Variants in KIAA1958 observed in about 807,000 individuals in gnomAD.
KIAA1958 encodes uncharacterized protein KIAA1958.
KIAA1958 carries 14 observed loss-of-function variants against 47.2 expected under a neutral mutation model. The ratio of observed to expected loss-of-function variants is 0.30; its 90% CI spans 0.20 to 0.46. The LOEUF is 0.46. Among genes scored for constraint, KIAA1958 ranks in the 20% least tolerant of loss-of-function variants. The pLI is 1.00. For synonymous variants in KIAA1958, 354 were observed against 353.3 expected (o/e 1.00, Z -0.02); for missense variants, 803 against 909.2 (o/e 0.88, Z 1.50).
At chr9:112,554,632 T>A (rs754047032) in intron 1 of KIAA1958, among the ~76,000 whole-genome samples, 2 of 152,198 alleles carry the variant, frequency 1.3e-5, no homozygotes, top group Non-Finnish European at 2.9e-5. Context: ...TTATATTGGC[T>A]ACAAACACTA....
intron 2 of KIAA1958, among the ~76,000 whole-genome samples, chr9:112,644,091 T>C (rs1836937750): frequency 6.6e-6 from 1 of 151,820 alleles, no homozygotes; most frequent in Non-Finnish European, 1.5e-5. Context: ...GGCAGGAGAA[T>C]CGCGTGAACC....
At position 112,660,132 on chromosome 9, in the gene KIAA1958, T is replaced by G; in HGVS notation, c.*63T>G. On this transcript the variant is annotated 3_prime_UTR_variant, in exon 4 of 4. Coordinates refer to ENST00000337530, the MANE Select transcript of KIAA1958 (RefSeq NM_133465.4). The stretch of plus-strand genomic sequence containing the variant: ...TCGGGCCAGCCAGGGTTGGAGCAGC[T>G]GGAGCTCCTTGGAGGCAGGGGCTGA... 1.4e-6 allele frequency: 2 copies of G among 1,429,286 alleles called. No individual in the cohort carries two copies. Among genetic ancestry groups the G allele is most frequent in the Non-Finnish European group, 1.9e-6 (2 of 1,037,088 alleles). The allele number at this position is 1,429,286 out of a possible 1,614,324, so 88.5% of individuals were successfully genotyped here. A position where few individuals can be genotyped will look rare whatever the true frequency, so the allele number is the denominator to read the frequency against.
chr9:112,558,253 A>G (rs1835276417), intron 1 of KIAA1958, among the ~76,000 whole-genome samples: 1 of 152,182 alleles, frequency 6.6e-6, no homozygotes, highest in Non-Finnish European at 1.5e-5. Flanking sequence ...TTAGAAAACA[A>G]TTTTGAAAAA....
In KIAA1958 at chr9:112,576,848, G is replaced by A. The variant is rs566659543; in HGVS notation, c.1171+1597G>A. On this transcript the variant is annotated intron_variant, in intron 2 of 3. Coordinates refer to ENST00000337530, the MANE Select transcript of KIAA1958 (RefSeq NM_133465.4). ...GTGGGTGTGTATGTTTATCTTGCTT[G>A]GGTAACTACCTAGGAGTGGAATTGC... Among the ~76,000 whole-genome samples, 10 of 152,160 alleles carry A rather than the reference G, an allele frequency of 6.6e-5. No individual in the cohort carries two copies. In the South Asian group the frequency reaches 2.1e-3, roughly 32 times the overall value.
At chr9:112,550,591 C>G (rs1425884200) in intron 1 of KIAA1958, among the ~76,000 whole-genome samples, 3 of 152,142 alleles carry the variant, frequency 2.0e-5, no homozygotes, top group Non-Finnish European at 4.4e-5. Context: ...AGATTAAAAT[C>G]AGTGCAGGGA....
chr9:112,498,980 G>A (rs1834090758), intron 1 of KIAA1958, among the ~76,000 whole-genome samples: 1 of 152,142 alleles, frequency 6.6e-6, no homozygotes, highest in African/African-American at 2.4e-5. Flanking sequence ...ACATATGAGT[G>A]AGAACATGTG....
chr9:112,490,339 G>A (rs78398861), intron 1 of KIAA1958, among the ~76,000 whole-genome samples: 8,409 of 152,224 alleles, frequency 0.055, 309 homozygotes, highest in Non-Finnish European at 0.088. Flanking sequence ...GCCTGAGGAA[G>A]CCCCACAGGT....
chr9:112,508,797 G>GT (rs1203353330), intron 1 of KIAA1958, among the ~76,000 whole-genome samples: 1 of 148,324 alleles, frequency 6.7e-6, no homozygotes, highest in African/African-American at 2.4e-5. Context: ...AGCTGATTGT[G>GT]TAATTTTTTT....
At chr9:112,605,877 T>G (rs1347785313) in intron 2 of KIAA1958, among the ~76,000 whole-genome samples, 1 of 152,266 alleles carries the variant, frequency 6.6e-6, no homozygotes, top group Non-Finnish European at 1.5e-5. Context: ...AATGTGTCAC[T>G]TATCCTCTCT....
At chr9:112,518,605 G>T (rs1166512438) in intron 1 of KIAA1958, among the ~76,000 whole-genome samples, 1 of 152,152 alleles carries the variant, frequency 6.6e-6, no homozygotes, top group Non-Finnish European at 1.5e-5. Context: ...ATGCTCTAAA[G>T]GAAACATTTT....
chr9:112,657,382 A>T (rs1460524635), intron 3 of KIAA1958, among the ~76,000 whole-genome samples: 5 of 152,118 alleles, frequency 3.3e-5, no homozygotes, highest in Admixed American at 2.0e-4. Flanking sequence ...ATGAGCCACC[A>T]TGCCCAACCC....
chr9:112,487,156 G>A (rs1308728223), intron 1 of KIAA1958, 38 bp downstream of exon 1: 1 of 192,182 alleles, frequency 5.2e-6, no homozygotes, highest in Non-Finnish European at 1.1e-5. Flanking sequence ...GGACGAGTGC[G>A]CCGACGCCGC....
intron 1 of KIAA1958, among the ~76,000 whole-genome samples, chr9:112,568,443 A>C (rs1294881197): frequency 6.6e-6 from 1 of 152,372 alleles, no homozygotes; most frequent in East Asian, 1.9e-4. Flanking sequence ...GCTTACACAC[A>C]GTCAACATTG....
At chr9:112,493,020 G>A (rs1833997180) in intron 1 of KIAA1958, among the ~76,000 whole-genome samples, 1 of 149,932 alleles carries the variant, frequency 6.7e-6, no homozygotes, top group Non-Finnish European at 1.5e-5. Flanking sequence ...CCAAAGTGCT[G>A]GGATTACAGG....
intron 2 of KIAA1958, among the ~76,000 whole-genome samples, chr9:112,635,969 G>A (rs940637248): frequency 6.6e-6 from 1 of 151,376 alleles, no homozygotes; most frequent in Non-Finnish European, 1.5e-5. Flanking sequence ...TGTAGCCTAT[G>A]CACTAAATCG....
chr9:112,604,240 C>CT (rs1368434847), intron 2 of KIAA1958, among the ~76,000 whole-genome samples: 1 of 152,170 alleles, frequency 6.6e-6, no homozygotes, highest in Non-Finnish European at 1.5e-5. Context: ...GGCATGGAGA[C>CT]TATGTAAATA....
At chr9:112,566,307 T>A (rs1835426391) in intron 1 of KIAA1958, among the ~76,000 whole-genome samples, 1 of 152,204 alleles carries the variant, frequency 6.6e-6, no homozygotes, top group Non-Finnish European at 1.5e-5. Flanking sequence ...CACTTTAGCA[T>A]TTTGTTATTA....
At chr9:112,493,368 T>C (rs117474489) in intron 1 of KIAA1958, among the ~76,000 whole-genome samples, 1,908 of 152,356 alleles carry the variant, frequency 0.013, 18 homozygotes, top group Non-Finnish European at 0.02. Flanking sequence ...CCCAGACTTA[T>C]TGTCCTCTTC....
chr9:112,487,714 G>GC lies in KIAA1958; in HGVS notation c.-25+603dup, dbSNP rs531458209. Among the ~76,000 whole-genome samples, 1,000 of 151,910 alleles carry GC rather than the reference G, an allele frequency of 6.6e-3. 11 individuals carry two copies. Among genetic ancestry groups the GC allele is most frequent in the African/African-American group, 0.022 (925 of 41,408 alleles). On this transcript the variant is annotated intron_variant, in intron 1 of 3. Transcript: ENST00000337530. The stretch of plus-strand genomic sequence containing the variant: ...AGGGCTTTCTCCAAAAGGCTCTTCC[G>GC]CCCCCCCACCCCCATCTGAGGCTGC...
Sources: allele counts gnomAD v4.1 joint callset (sites outside exome capture counted in the v4.1 genomes callset), GRCh38; gene constraint gnomAD v4.1.1; transcripts MANE v1.5; gene names NCBI Gene and HGNC (gene_info 2026-07-23, HGNC 2026-07-21).